TMCO5A: variants seen among roughly 807,000 people sequenced by gnomAD.
The protein encoded by TMCO5A is transmembrane and coiled-coil domain-containing protein 5A.
A neutral mutation model predicts 42.3 loss-of-function variants in TMCO5A; 34 were observed. The observed-to-expected ratio is 0.80, with a 90% confidence interval of 0.61 to 1.07. The LOEUF (loss-of-function observed/expected upper bound fraction) is 1.07. Among genes scored for constraint, TMCO5A ranks in the 50% least tolerant of loss-of-function variants. The pLI is 0.00. For synonymous variants in TMCO5A, 131 were observed against 115.6 expected, an observed-to-expected ratio of 1.13 and a Z score of -0.86; for missense variants, 357 against 327.9, an observed-to-expected ratio of 1.09 and a Z score of -0.69.
chr15:38,001,471 T>A, the TMCO5A span, among the ~76,000 whole-genome samples: 8 of 151,520 alleles, frequency 5.3e-5, no homozygotes, highest in African/African-American at 1.9e-4. Flanking sequence ...AGCCACTCTA[T>A]GTCTTTTGGT....
intron 9 of TMCO5A, 91 bp downstream of exon 9, chr15:37,942,346 G>T: frequency 3.3e-6 from 4 of 1,228,862 alleles, no homozygotes; most frequent in Non-Finnish European, 4.7e-6. Context: ...ATTTCTATTT[G>T]GAATTGAATG....
chr15:37,977,955 A>C, the TMCO5A span, among the ~76,000 whole-genome samples: 67,817 of 151,984 alleles, frequency 0.45, 17,823 homozygotes, highest in African/African-American at 0.73. Context: ...CTCCTTATGG[A>C]GGCTGCAGCA....
the TMCO5A span, among the ~76,000 whole-genome samples, chr15:37,987,232 T>C: frequency 6.6e-6 from 1 of 152,052 alleles, no homozygotes; most frequent in African/African-American, 2.4e-5. Context: ...ATTCAAGTCA[T>C]TCACCTATTT....
chr15:37,965,045 G>T (rs532175879), intron 11 of TMCO5A, among the ~76,000 whole-genome samples: 2 of 152,210 alleles, frequency 1.3e-5, no homozygotes, highest in East Asian at 1.9e-4. Flanking sequence ...AAAGCAGCAC[G>T]GTACTGGCAT....
chr15:37,997,078 T>C, the TMCO5A span, among the ~76,000 whole-genome samples: 2 of 152,300 alleles, frequency 1.3e-5, no homozygotes, highest in Admixed American at 1.3e-4. Context: ...CGTGAGGAGA[T>C]GGCATGTAGG....
chr15:38,002,435 C>CTCTCTT, the TMCO5A span, among the ~76,000 whole-genome samples: 1 of 151,968 alleles, frequency 6.6e-6, no homozygotes, highest in African/African-American at 2.4e-5. Flanking sequence ...GTATCTCTCT[C>CTCTCTT]TCTCTTTCTC....
intron 11 of TMCO5A, among the ~76,000 whole-genome samples, chr15:37,948,911 G>A (rs1381231077): frequency 6.6e-6 from 1 of 152,020 alleles, no homozygotes; most frequent in African/African-American, 2.4e-5. Context: ...TTTGACCAAG[G>A]TGTTGTACTG....
the TMCO5A span, among the ~76,000 whole-genome samples, chr15:37,974,930 G>A: frequency 4.7e-4 from 72 of 152,214 alleles, no homozygotes; most frequent in Admixed American, 1.7e-3. Flanking sequence ...AGAGATTCTG[G>A]TATGTTGTAT....
the TMCO5A span, among the ~76,000 whole-genome samples, chr15:38,011,609 A>C: frequency 6.6e-6 from 1 of 152,004 alleles, no homozygotes; most frequent in Non-Finnish European, 1.5e-5. Flanking sequence ...CTTTTTTTTG[A>C]ATACTAACCT....
At chr15:37,965,256 A>T (rs935006212) in intron 11 of TMCO5A, among the ~76,000 whole-genome samples, 15 of 152,326 alleles carry the variant, frequency 9.8e-5, no homozygotes, top group African/African-American at 3.4e-4. Flanking sequence ...ATATACAAAA[A>T]TCAAATCAAA....
chr15:37,989,019 T>C, the TMCO5A span, among the ~76,000 whole-genome samples: 1 of 152,016 alleles, frequency 6.6e-6, no homozygotes, highest in African/African-American at 2.4e-5. Context: ...TTCTTACTAC[T>C]TATAGGTATA....
intron 11 of TMCO5A, among the ~76,000 whole-genome samples, chr15:37,950,103 A>C (rs1890107610): frequency 6.6e-6 from 1 of 152,188 alleles, no homozygotes; most frequent in African/African-American, 2.4e-5. Flanking sequence ...TTTATGGTGT[A>C]ATCTAGGAAG....
chr15:38,037,778 G>T, the TMCO5A span, among the ~76,000 whole-genome samples: 1 of 152,170 alleles, frequency 6.6e-6, no homozygotes, highest in Non-Finnish European at 1.5e-5. Flanking sequence ...AAGTTGGGAG[G>T]CCAAGGCAGG....
chr15:38,029,291 T>C, the TMCO5A span, among the ~76,000 whole-genome samples: 2,136 of 151,582 alleles, frequency 0.014, 54 homozygotes, highest in African/African-American at 0.049. Flanking sequence ...CACACACACA[T>C]ATGCATACAC....
chr15:37,942,591 A>C (rs1394920584), intron 9 of TMCO5A: 2 of 216,620 alleles, frequency 9.2e-6, no homozygotes, highest in African/African-American at 4.6e-5. Context: ...GGTATTCCTT[A>C]TATATCACAG....
chr15:37,946,378 A>ATT (rs59756769), intron 10 of TMCO5A, among the ~76,000 whole-genome samples: 1 of 151,828 alleles, frequency 6.6e-6, no homozygotes, highest in African/African-American at 2.4e-5. Context: ...TTTTAAAATC[A>ATT]TTTTTTCTAA....
intron 11 of TMCO5A, among the ~76,000 whole-genome samples, chr15:37,961,596 GA>G (rs1439683685): frequency 1.3e-5 from 2 of 151,830 alleles, no homozygotes; most frequent in Admixed American, 6.6e-5. Context: ...TTTTGATGGG[GA>G]TTGCATTCAA....
chr15:37,942,083 G>A (rs1350933911), intron 8 of TMCO5A, 108 bp from the exon 9 acceptor site: 4 of 1,002,704 alleles, frequency 4.0e-6, no homozygotes, highest in South Asian at 3.0e-5. Flanking sequence ...AGTGGCAGTG[G>A]GAATACCAAG....
the TMCO5A span, among the ~76,000 whole-genome samples, chr15:37,973,730 C>G: frequency 1.3e-5 from 2 of 152,160 alleles, no homozygotes; most frequent in Admixed American, 6.5e-5. Flanking sequence ...AGTTTGACTT[C>G]CTCTCTTCCT....
Sources: gnomAD v4.1 joint callset for allele counts (sites outside exome capture counted in the v4.1 genomes callset) on GRCh38, gnomAD v4.1.1 for gene constraint, MANE v1.5 for transcripts, NCBI Gene and HGNC (gene_info 2026-07-23, HGNC 2026-07-21) for gene names.